The following TANC1 variants were observed in gnomAD, a reference collection of about 807,000 sequenced individuals.
TANC1 encodes tetratricopeptide repeat, ankyrin repeat and coiled-coil containing 1.
TANC1 carries 77 observed loss-of-function variants against 149.7 expected under a neutral mutation model. That is an observed-to-expected ratio of 0.51 (90% confidence interval 0.43 to 0.62). TANC1 has a LOEUF of 0.62. Ranked by LOEUF, TANC1 falls within the 20% of genes least tolerant of loss-of-function variation. The pLI is 0.00. For synonymous variants in TANC1, 854 were observed against 925.0 expected, an observed-to-expected ratio of 0.92 and a Z score of 1.39; for missense variants, 1,985 against 2,321.8, an observed-to-expected ratio of 0.85 and a Z score of 2.98.
intron 1 of TANC1, among the ~76,000 whole-genome samples, chr2:158,981,493 ATAT>A (rs2034320794): frequency 0.012 from 601 of 48,514 alleles, 48 homozygotes; most frequent in Middle Eastern, 0.017. Context: ...TATAGCTTTT[ATAT>A]ATATATATAT....
At chr2:159,078,078 A>G (rs1051357665) in intron 3 of TANC1, among the ~76,000 whole-genome samples, 1 of 152,204 alleles carries the variant, frequency 6.6e-6, no homozygotes, top group South Asian at 2.1e-4. Context: ...TTGAAACCAT[A>G]CTTCCTGGGT....
intron 4 of TANC1, among the ~76,000 whole-genome samples, chr2:159,127,855 G>A (rs1180527787): frequency 6.6e-6 from 1 of 152,182 alleles, no homozygotes; most frequent in Non-Finnish European, 1.5e-5. Context: ...ATGTATCCTG[G>A]AACTTAAGAT....
chr2:159,174,116 C>T (rs2055574644), intron 11 of TANC1, among the ~76,000 whole-genome samples: 1 of 152,184 alleles, frequency 6.6e-6, no homozygotes, highest in South Asian at 2.1e-4. Context: ...TCTTTTCCTT[C>T]CTTACCTTCT....
chr2:159,073,895 T>C (rs1474428901), intron 3 of TANC1, among the ~76,000 whole-genome samples: 1 of 152,230 alleles, frequency 6.6e-6, no homozygotes, highest in Non-Finnish European at 1.5e-5. Flanking sequence ...GATTCTGAAG[T>C]AGATTGGCTT....
chr2:159,202,160 TC>T, intron 19 of TANC1, among the ~76,000 whole-genome samples: 1 of 151,556 alleles, frequency 6.6e-6, no homozygotes, highest in Middle Eastern at 3.4e-3. Context: ...CCCGTGGAGG[TC>T]CCCCTCACTC....
chr2:159,162,801 T>C (rs1395559355), intron 7 of TANC1, among the ~76,000 whole-genome samples: 2 of 152,214 alleles, frequency 1.3e-5, no homozygotes, highest in African/African-American at 4.8e-5. Flanking sequence ...TTTATAATTG[T>C]ATTTTTGTTT....
At position 159,103,553 on chromosome 2, in the gene TANC1, T is replaced by C. The variant is rs561429796; in HGVS notation, c.259+5719T>C. Reference sequence around the variant, plus strand: ...TCAGGCAATTTTCATTTTCTTTCTTTGCATGAGACTGTGTCGGGAATTATG... The same window carrying C: ...TCAGGCAATTTTCATTTTCTTTCTTCGCATGAGACTGTGTCGGGAATTATG... On this transcript the variant is annotated intron_variant, in intron 4 of 26. Coordinates refer to ENST00000263635, the MANE Select transcript of TANC1 (RefSeq NM_033394.3). Among the ~76,000 whole-genome samples the C allele has an allele frequency of 3.1e-5, 3 of 96,804 alleles. 1 individual carries two copies. The East Asian group carries it at 6.9e-4, about 22-fold the overall frequency. The allele number at this position is 96,804 out of a possible 152,430, so 63.5% of individuals were successfully genotyped here. A position where few individuals can be genotyped will look rare whatever the true frequency, so the allele number is the denominator to read the frequency against.
rs563001581 is a variant in TANC1, at chr2:158,998,516, G to A, written c.-125-2564G>A. Among the ~76,000 whole-genome samples the A allele has an allele frequency of 9.9e-5, 15 of 152,266 alleles. No individual in the cohort carries two copies. The South Asian group carries it at 3.1e-3, about 32-fold the overall frequency. Reference sequence around the variant, plus strand: ...ACCTACCAGCCACAGCACAGTTGACGCTATGTGATTGTGCCCTGTTGAGCC... The same window carrying A: ...ACCTACCAGCCACAGCACAGTTGACACTATGTGATTGTGCCCTGTTGAGCC... On this transcript the variant is annotated intron_variant, in intron 1 of 26. Transcript: ENST00000263635.
At chr2:159,087,991 C>G (rs750470181) in intron 3 of TANC1, among the ~76,000 whole-genome samples, 1 of 151,058 alleles carries the variant, frequency 6.6e-6, no homozygotes, top group Non-Finnish European at 1.5e-5. Flanking sequence ...CTGACCACAC[C>G]AGAAAGGAAG....
chr2:159,016,816 T>C (rs538661859), intron 2 of TANC1, among the ~76,000 whole-genome samples: 13 of 152,194 alleles, frequency 8.5e-5, no homozygotes, highest in South Asian at 4.2e-4. Flanking sequence ...CCTTGTGATC[T>C]GCCCGCCTTG....
intron 2 of TANC1, among the ~76,000 whole-genome samples, chr2:159,035,110 TGAA>T (rs1445358030): frequency 1.3e-5 from 2 of 152,342 alleles, no homozygotes; most frequent in East Asian, 3.9e-4. Context: ...ATTTTTTTGA[TGAA>T]TACTTCTATT....
chr2:159,142,075 G>A (rs1460914298), intron 5 of TANC1, among the ~76,000 whole-genome samples: 1 of 152,194 alleles, frequency 6.6e-6, no homozygotes, highest in Admixed American at 6.5e-5. Flanking sequence ...AAATGGAATT[G>A]GTGAGAATAG....
intron 3 of TANC1, among the ~76,000 whole-genome samples, chr2:159,086,903 C>A (rs1442248139): frequency 6.7e-6 from 1 of 150,284 alleles, no homozygotes; most frequent in African/African-American, 2.5e-5. Context: ...ATATGGTAAA[C>A]TGATTTTTTT....
intron 22 of TANC1, among the ~76,000 whole-genome samples, chr2:159,222,513 A>G (rs1011569657): frequency 3.9e-5 from 6 of 152,328 alleles, no homozygotes; most frequent in African/African-American, 1.2e-4. Context: ...CTTATTTCAC[A>G]TAGCATAATG....
chr2:158,993,792 A>T (rs553779971), intron 1 of TANC1, among the ~76,000 whole-genome samples: 1 of 152,282 alleles, frequency 6.6e-6, no homozygotes, highest in Admixed American at 6.5e-5. Context: ...TAAAAAGTTA[A>T]TTTCTAAAGT....
At chr2:159,168,502 A>G (rs1460982594) in intron 8 of TANC1, among the ~76,000 whole-genome samples, 3 of 151,898 alleles carry the variant, frequency 2.0e-5, no homozygotes, top group Middle Eastern at 3.2e-3. Context: ...GGGTTTCACC[A>G]TGTTGGCCAG....
At chr2:159,187,094 CCT>C (rs1157996881) in intron 16 of TANC1, 70 bp downstream of exon 16, 2 of 1,576,798 alleles carry the variant, frequency 1.3e-6, no homozygotes, top group Non-Finnish European at 1.7e-6. Flanking sequence ...CTCCAACAGC[CCT>C]GTTTCCCTCT....
chr2:159,058,001 C>T (rs2041976542), intron 2 of TANC1, among the ~76,000 whole-genome samples: 3 of 152,166 alleles, frequency 2.0e-5, no homozygotes, highest in Admixed American at 1.3e-4. Context: ...AGGGAGCACT[C>T]AGGTGACAGG....
At chr2:159,089,020 A>G (rs906713486) in intron 3 of TANC1, among the ~76,000 whole-genome samples, 1 of 152,186 alleles carries the variant, frequency 6.6e-6, no homozygotes, top group Non-Finnish European at 1.5e-5. Flanking sequence ...AAGAGAAAAG[A>G]TGCAATCAGC....
Sources: gnomAD v4.1 joint callset for allele counts (sites outside exome capture counted in the v4.1 genomes callset) on GRCh38, gnomAD v4.1.1 for gene constraint, MANE v1.5 for transcripts, NCBI Gene and HGNC (gene_info 2026-07-23, HGNC 2026-07-21) for gene names.